LRMDA: variants seen among roughly 807,000 people sequenced by gnomAD.
LRMDA encodes leucine-rich melanocyte differentiation-associated protein.
Under a neutral mutation model 29.8 loss-of-function variants are expected in LRMDA, and 18 were observed. That is an observed-to-expected ratio of 0.60 (90% CI 0.42 to 0.90). The LOEUF is 0.90. Among genes scored for constraint, LRMDA ranks in the 40% least tolerant of loss-of-function variants. The pLI, the probability that LRMDA is intolerant of heterozygous loss-of-function variation, is 0.00. For synonymous variants in LRMDA, 125 were observed against 109.4 expected (o/e 1.14, Z -0.89); for missense variants, 273 against 273.9 (o/e 1.00, Z 0.02).
chr10:76,226,664 C>T (rs911485877), intron 5 of LRMDA, among the ~76,000 whole-genome samples: 20 of 152,110 alleles, frequency 1.3e-4, no homozygotes, highest in Non-Finnish European at 5.9e-5. Context: ...TGGTGAAAAC[C>T]GCCCCCATAA....
chr10:75,899,443 G>A (rs759039689), intron 2 of LRMDA, among the ~76,000 whole-genome samples: 3 of 152,190 alleles, frequency 2.0e-5, no homozygotes, highest in Admixed American at 2.0e-4. Flanking sequence ...CTTCAGATGC[G>A]CTAGCATAGG....
At chr10:75,735,503 C>A (rs1474954646) in intron 2 of LRMDA, among the ~76,000 whole-genome samples, 2 of 152,112 alleles carry the variant, frequency 1.3e-5, no homozygotes, top group Admixed American at 1.3e-4. Flanking sequence ...AGCCTAAACT[C>A]CTGGATTGGT....
chr10:76,334,680 A>C (rs1840945702), intron 6 of LRMDA, among the ~76,000 whole-genome samples: 1 of 152,010 alleles, frequency 6.6e-6, no homozygotes, highest in African/African-American at 2.4e-5. Context: ...ATTTGTTGTG[A>C]TGTGTGTACT....
At chr10:75,834,923 C>G (rs774903246) in intron 2 of LRMDA, among the ~76,000 whole-genome samples, 13 of 152,240 alleles carry the variant, frequency 8.5e-5, no homozygotes, top group Admixed American at 6.5e-5. Context: ...ACAGCCTGTT[C>G]AAGCCCATGT....
At chr10:75,544,594 T>A (rs1393773460) in intron 2 of LRMDA, among the ~76,000 whole-genome samples, 1 of 152,114 alleles carries the variant, frequency 6.6e-6, no homozygotes, top group Non-Finnish European at 1.5e-5. Flanking sequence ...GAGTTGGCCC[T>A]CCCCTGACCT....
chr10:76,522,506 G>T (rs969407661), intron 6 of LRMDA, among the ~76,000 whole-genome samples: 1 of 152,178 alleles, frequency 6.6e-6, no homozygotes, highest in African/African-American at 2.4e-5. Context: ...CAATCACTCT[G>T]CAAATATGTA....
At chr10:76,478,232 G>T (rs1842698070) in intron 6 of LRMDA, among the ~76,000 whole-genome samples, 1 of 152,096 alleles carries the variant, frequency 6.6e-6, no homozygotes, top group Admixed American at 6.6e-5. Flanking sequence ...CAAAAAGTAG[G>T]CGAAGGATAT....
chr10:76,529,317 C>T (rs1843209865), intron 6 of LRMDA, among the ~76,000 whole-genome samples: 2 of 152,094 alleles, frequency 1.3e-5, no homozygotes. Context: ...GTAATTTTTA[C>T]AAGACTCATG....
intron 6 of LRMDA, among the ~76,000 whole-genome samples, chr10:76,521,265 C>A (rs1470610229): frequency 6.6e-6 from 1 of 151,928 alleles, no homozygotes; most frequent in Non-Finnish European, 1.5e-5. Context: ...TCCAGAGTAG[C>A]TGGGACTACA....
chr10:75,626,532 T>C (rs1841252162), intron 2 of LRMDA, among the ~76,000 whole-genome samples: 1 of 152,112 alleles, frequency 6.6e-6, no homozygotes, highest in African/African-American at 2.4e-5. Flanking sequence ...ACCAAGTTGC[T>C]AGGGAGGGGA....
intron 5 of LRMDA, among the ~76,000 whole-genome samples, chr10:76,097,320 T>C (rs981034914): frequency 1.3e-5 from 2 of 152,238 alleles, no homozygotes; most frequent in African/African-American, 4.8e-5. Context: ...TTCATGTTGC[T>C]TTTAAATAGA....
Position 75,703,940 on chromosome 10 carries a change from G to A in LRMDA, c.131+265446G>A, listed in dbSNP as rs1842337195. On this transcript the variant is annotated intron_variant, in intron 2 of 6. Coordinates refer to ENST00000611255, the MANE Select transcript of LRMDA (RefSeq NM_001305581.2). ...AACTAAATGCTCCCAACAGTGACTGGCATTAGGGTAGGAGGAATTTCAGAG... is the reference window on the plus strand; with the variant it reads ...AACTAAATGCTCCCAACAGTGACTGACATTAGGGTAGGAGGAATTTCAGAG... Among the ~76,000 whole-genome samples the A allele has an allele frequency of 2.6e-5, 4 of 152,252 alleles. No homozygotes were observed. The South Asian group carries it at 8.3e-4, about 32-fold the overall frequency.
At chr10:75,957,660 C>T (rs1222823635) in intron 2 of LRMDA, among the ~76,000 whole-genome samples, 1 of 152,056 alleles carries the variant, frequency 6.6e-6, no homozygotes, top group East Asian at 1.9e-4. Flanking sequence ...AAAATAGCCA[C>T]GGAGTGATGG....
chr10:76,210,167 CA>C (rs1851610597), intron 5 of LRMDA, among the ~76,000 whole-genome samples: 1 of 152,142 alleles, frequency 6.6e-6, no homozygotes, highest in Admixed American at 6.5e-5. Flanking sequence ...TAAAAATACA[CA>C]AAATTAAGCA....
At chr10:76,475,756 C>T (rs1160599965) in intron 6 of LRMDA, among the ~76,000 whole-genome samples, 10 of 151,902 alleles carry the variant, frequency 6.6e-5, no homozygotes, top group Non-Finnish European at 2.9e-5. Flanking sequence ...CACTCAAAAC[C>T]GCTCAACTAC....
intron 4 of LRMDA, among the ~76,000 whole-genome samples, chr10:76,055,885 C>T (rs1848606607): frequency 6.6e-6 from 1 of 152,208 alleles, no homozygotes; most frequent in Non-Finnish European, 1.5e-5. Flanking sequence ...GCTGTTAGGT[C>T]TGGGCTCCCC....
chr10:75,919,951 A>G (rs944543035), intron 2 of LRMDA, among the ~76,000 whole-genome samples: 12 of 151,846 alleles, frequency 7.9e-5, no homozygotes, highest in African/African-American at 2.9e-4. Context: ...ATTAATAATT[A>G]TCTCTCTCTC....
intron 6 of LRMDA, among the ~76,000 whole-genome samples, chr10:76,335,820 A>C (rs1297713838): frequency 6.6e-6 from 1 of 152,166 alleles, no homozygotes; most frequent in Non-Finnish European, 1.5e-5. Context: ...CAGGCTTCAG[A>C]GAGAATAGAT....
At chr10:75,550,225 T>C (rs940621819) in intron 2 of LRMDA, among the ~76,000 whole-genome samples, 25 of 152,304 alleles carry the variant, frequency 1.6e-4, no homozygotes, top group Admixed American at 1.6e-3. Flanking sequence ...TTGATAGTGT[T>C]GTTCAGGCTT....
Sources: gnomAD v4.1 joint callset for allele counts (sites outside exome capture counted in the v4.1 genomes callset) on GRCh38, gnomAD v4.1.1 for gene constraint, MANE v1.5 for transcripts, NCBI Gene and HGNC (gene_info 2026-07-23, HGNC 2026-07-21) for gene names.